CSMD1: variants seen among roughly 807,000 people sequenced by gnomAD.
CSMD1 encodes CUB and sushi domain-containing protein 1.
Under a neutral mutation model 417.5 loss-of-function variants are expected in CSMD1, and 213 were observed. The ratio of observed to expected loss-of-function variants is 0.51; its 90% CI spans 0.46 to 0.57. CSMD1 has a LOEUF of 0.57. CSMD1 is among the 20% of genes least tolerant of loss of function. The pLI is 0.00. For missense variants in CSMD1, 6,923 were observed against 4,529.7 expected (o/e 1.53, Z -15.17); for synonymous variants, 2,862 against 1,736.8 (o/e 1.65, Z -16.11).
At chr8:3,666,343 C>T (rs1426615061) in intron 7 of CSMD1, among the ~76,000 whole-genome samples, 4 of 152,258 alleles carry the variant, frequency 2.6e-5, no homozygotes, top group East Asian at 3.9e-4. Flanking sequence ...ATGATATAAA[C>T]GCCTGTCCGT....
At chr8:4,346,528 A>G (rs541086361) in intron 3 of CSMD1, among the ~76,000 whole-genome samples, 1 of 152,238 alleles carries the variant, frequency 6.6e-6, no homozygotes, top group African/African-American at 2.4e-5. Flanking sequence ...ATTAAAATCC[A>G]GTTACAGAAA....
At chr8:4,167,929 ACCAG>A (rs1028134984) in intron 3 of CSMD1, among the ~76,000 whole-genome samples, 2 of 151,920 alleles carry the variant, frequency 1.3e-5, no homozygotes, top group African/African-American at 4.8e-5. Context: ...GGAGTTCAAG[ACCAG>A]CCTGGCCAGC....
chr8:4,693,949 T>C (rs1351622904), intron 1 of CSMD1, among the ~76,000 whole-genome samples: 3 of 152,236 alleles, frequency 2.0e-5, no homozygotes, highest in Admixed American at 1.3e-4. Flanking sequence ...ATTGTCCATG[T>C]CATCACATAC....
intron 6 of CSMD1, among the ~76,000 whole-genome samples, chr8:3,722,347 T>A (rs546211123): frequency 2.0e-4 from 30 of 152,268 alleles, no homozygotes; most frequent in African/African-American, 7.2e-4. Flanking sequence ...TGAGCTTTCA[T>A]AAAATCTAAG....
intron 28 of CSMD1, among the ~76,000 whole-genome samples, chr8:3,220,475 G>A (rs1251934684): frequency 6.6e-6 from 1 of 152,200 alleles, no homozygotes; most frequent in Non-Finnish European, 1.5e-5. Flanking sequence ...GAAAGGCTGA[G>A]CTTGGTTAAG....
intron 7 of CSMD1, among the ~76,000 whole-genome samples, chr8:3,654,473 G>A (rs1177641467): frequency 6.6e-6 from 1 of 152,132 alleles, no homozygotes; most frequent in Non-Finnish European, 1.5e-5. Context: ...GGGTACACAG[G>A]AGCTTTTAAA....
At chr8:3,816,643 C>G (rs559398091) in intron 5 of CSMD1, among the ~76,000 whole-genome samples, 1 of 152,166 alleles carries the variant, frequency 6.6e-6, no homozygotes, top group African/African-American at 2.4e-5. Context: ...TTGGATGTTT[C>G]TAACATAAAG....
chr8:3,067,954 C>A (rs1813055312), intron 49 of CSMD1, among the ~76,000 whole-genome samples: 2 of 152,072 alleles, frequency 1.3e-5, no homozygotes, highest in African/African-American at 4.8e-5. Flanking sequence ...AGACTCTAAT[C>A]CAAATGTCCA....
At chr8:4,874,381 C>T (rs916038510) in intron 1 of CSMD1, among the ~76,000 whole-genome samples, 5 of 129,424 alleles carry the variant, frequency 3.9e-5, no homozygotes, top group East Asian at 2.4e-4. Flanking sequence ...TCTTTCAATC[C>T]GATTGTATTT....
At position 3,886,497 on chromosome 8, in the gene CSMD1, C is replaced by T. The variant is rs190429031; in HGVS notation, c.818+111406G>A. Reference sequence around the variant, plus strand: ...TTTGTCAGCCATACGGTCTCTGTCACACTACCCAGCAGTGCTGCTGAAGTT... The same window carrying T: ...TTTGTCAGCCATACGGTCTCTGTCATACTACCCAGCAGTGCTGCTGAAGTT... On this transcript the variant is annotated intron_variant, in intron 5 of 69. Coordinates refer to ENST00000635120, the MANE Select transcript of CSMD1 (RefSeq NM_033225.6). 2.1e-3 allele frequency among the ~76,000 whole-genome samples: 317 copies of T among 152,336 alleles called. 1 individual carries two copies. Among genetic ancestry groups the T allele is most frequent in the African/African-American group, 7.2e-3 (299 of 41,572 alleles).
chr8:4,790,546 A>G (rs1160976765), intron 1 of CSMD1, among the ~76,000 whole-genome samples: 1 of 152,200 alleles, frequency 6.6e-6, no homozygotes, highest in African/African-American at 2.4e-5. Context: ...CAAGAATAAC[A>G]AAGCTGGAAG....
chr8:3,256,457 CTTT>C (rs531710134), intron 26 of CSMD1, among the ~76,000 whole-genome samples: 1 of 152,170 alleles, frequency 6.6e-6, no homozygotes, highest in Admixed American at 6.6e-5. Flanking sequence ...CTTCTCCTAA[CTTT>C]TTATTGATGC....
At chr8:3,754,102 A>G (rs1797522500) in intron 5 of CSMD1, 60 bp from the exon 6 acceptor site, 1 of 1,061,214 alleles carries the variant, frequency 9.4e-7, no homozygotes, top group Non-Finnish European at 1.4e-6. Context: ...AATGTCCTAT[A>G]TCAAACCCGC....
chr8:4,673,122 T>C, intron 1 of CSMD1, among the ~76,000 whole-genome samples: 1 of 151,904 alleles, frequency 6.6e-6, no homozygotes, highest in Non-Finnish European at 1.5e-5. Flanking sequence ...CACACACATC[T>C]GTAGCAAACT....
chr8:3,113,025 G>A (rs925210376), intron 42 of CSMD1: 6 of 152,210 alleles, frequency 3.9e-5, no homozygotes, highest in Non-Finnish European at 5.9e-5. Context: ...CCAAGTGGTG[G>A]CGTCTCACTG....
rs775353577 is a variant in CSMD1 at position 3,575,031 on chromosome 8, C to T, written c.1258G>A (p.Gly420Ser). The change falls in exon 10 of 70, where the codon GGC becomes AGC. Residue 420 changes from glycine to serine, a missense_variant. Physicochemically the swap from Gly to Ser is moderately conservative, Grantham distance 56. Transcript: ENST00000635120. ...TCGSNLRGPS[G>S]VITSPNYPVQ... is the part of the protein sequence containing the mutation. ...GGATAATTAGGGGAGGTAATGACGC[C>T]GCTGGGCCCACGCAGATTGGATCCA... 3.1e-6 allele frequency: 5 copies of T among 1,613,436 alleles called. No individual in the cohort carries two copies. Among genetic ancestry groups the T allele is most frequent in the South Asian group, 1.1e-5 (1 of 91,056 alleles).
Position 4,106,456 on chromosome 8 carries a change from C to T in CSMD1, c.416-74357G>A, listed in dbSNP as rs1190290353. On this transcript the variant is annotated intron_variant, in intron 3 of 69. Coordinates refer to ENST00000635120, the MANE Select transcript of CSMD1 (RefSeq NM_033225.6). ...TATAGAATTTTACACACCAAACTCT[C>T]AGCTTTCATTCTCTCTGCATTGCTC... 4.6e-5 allele frequency among the ~76,000 whole-genome samples: 7 copies of T among 152,160 alleles called. 1 individual carries two copies. The highest frequency in any genetic ancestry group is 1.7e-4 in the African/African-American group (7 of 41,434).
chr8:4,336,688 C>G (rs1800193790), intron 3 of CSMD1, among the ~76,000 whole-genome samples: 1 of 152,082 alleles, frequency 6.6e-6, no homozygotes, highest in South Asian at 2.1e-4. Context: ...CCTTCGAAGA[C>G]AAAGTAGAGA....
rs1299137500 is a variant in CSMD1 at position 4,267,093 on chromosome 8, A to AT, written c.415+152859dup. ...TAGAGTGTCTGTTTACTTCAATGTT[A>AT]TTTTTTTTTGAAAGTGCTTTCTAAT... is the stretch of plus-strand genomic sequence containing the variant. On this transcript the variant is annotated intron_variant, in intron 3 of 69. Transcript: ENST00000635120. 6.6e-3 allele frequency among the ~76,000 whole-genome samples: 668 copies of AT among 101,636 alleles called. 115 individuals carry two copies. The highest frequency in any genetic ancestry group is 0.014 in the Admixed American group (154 of 10,704). The allele number at this position is 101,636 out of a possible 152,430, so 66.7% of individuals were successfully genotyped here.
Sources: allele counts gnomAD v4.1 joint callset (sites outside exome capture counted in the v4.1 genomes callset), GRCh38; gene constraint gnomAD v4.1.1; transcripts MANE v1.5; gene names NCBI Gene and HGNC (gene_info 2026-07-23, HGNC 2026-07-21).